The following MIDN variants were observed in gnomAD, a reference collection of about 807,000 sequenced individuals.
MIDN encodes the protein midbrain nucleolar protein.
A neutral mutation model predicts 46.1 loss-of-function variants in MIDN; 26 were observed. The observed-to-expected ratio is 0.56, with a 90% CI of 0.41 to 0.78. The LOEUF (loss-of-function observed/expected upper bound fraction) is 0.78, where lower values mean the gene tolerates loss of function less well. Among genes scored for constraint, MIDN ranks in the 30% least tolerant of loss-of-function variants. MIDN has a pLI of 0.00. For missense variants in MIDN, 850 were observed against 771.8 expected (o/e 1.10, Z -1.20); for synonymous variants, 432 against 343.3 (o/e 1.26, Z -2.86).
chr19:1,249,238 C>A (rs1340573639), intron 1 of MIDN, among the ~76,000 whole-genome samples: 1 of 148,782 alleles, frequency 6.7e-6, no homozygotes, highest in Non-Finnish European at 1.5e-5. Context: ...AGCCACCCGG[C>A]CACGTCACCG....
At position 1,258,709 on chromosome 19, in the gene MIDN, A is replaced by AT. The variant is rs1178328211; in HGVS notation, c.*1444dup. On this transcript the variant is annotated 3_prime_UTR_variant, in exon 9 of 9. Transcript: ENST00000682408. The stretch of plus-strand genomic sequence containing the variant: ...ACGTGTTATAACTGTAGCGCTGTAA[A>AT]TTTTTTTGTGGGAGGGTGGGCAGGG... 6.2e-5 allele frequency: 2 copies of AT among 32,314 alleles called. No homozygotes were observed. Among genetic ancestry groups the AT allele is most frequent in the East Asian group, 7.4e-4 (1 of 1,346 alleles). The allele number at this position is 32,314 out of a possible 1,614,324, so 2.0% of individuals were successfully genotyped here. A position where few individuals can be genotyped will look rare whatever the true frequency, so the allele number is the denominator to read the frequency against.
chr19:1,250,913 C>G (rs1007936835), intron 2 of MIDN, among the ~76,000 whole-genome samples: 2 of 151,770 alleles, frequency 1.3e-5, no homozygotes, highest in Non-Finnish European at 2.9e-5. Flanking sequence ...ACTTGCGTCT[C>G]TCTCCCCCCC....
intron 8 of MIDN, among the ~76,000 whole-genome samples, chr19:1,256,026 C>T (rs2081195089): frequency 6.6e-6 from 1 of 152,242 alleles, no homozygotes; most frequent in Non-Finnish European, 1.5e-5. Context: ...CACCCCTAAG[C>T]ATTTCAGTGA....
chr19:1,251,100 G>A (rs2081121613), intron 2 of MIDN, among the ~76,000 whole-genome samples: 1 of 151,996 alleles, frequency 6.6e-6, no homozygotes, highest in Admixed American at 6.5e-5. Context: ...GCGCGGCGGC[G>A]GCCGCCTGCG....
chr19:1,257,325 G>C lies in MIDN; in HGVS notation c.*53G>C. On this transcript the variant is annotated 3_prime_UTR_variant, in exon 9 of 9. Coordinates refer to ENST00000682408, the MANE Select transcript of MIDN (RefSeq NM_001388306.1). ...TCGCACCCCAGCCCAGGGCGGCGGG[G>C]ACTCCGAGAGCCCCGGAGAGAACGT... is the stretch of plus-strand genomic sequence containing the variant. The C allele has an allele frequency of 6.6e-7, 1 of 1,520,410 alleles. No homozygotes were observed. The highest frequency in any genetic ancestry group is 1.8e-5 in the Admixed American group (1 of 56,480). The allele number at this position is 1,520,410 out of a possible 1,614,324, so 94.2% of individuals were successfully genotyped here. A position where few individuals can be genotyped will look rare whatever the true frequency, so the allele number is the denominator to read the frequency against.
rs571658959 is a variant in MIDN, at chr19:1,251,544, C to T, written c.234-18C>T. 42 of 1,606,738 alleles carry T rather than the reference C, an allele frequency of 2.6e-5. No individual in the cohort carries two copies. In the South Asian group the frequency reaches 4.1e-4, roughly 16 times the overall value. On this transcript the variant is annotated intron_variant, in intron 2 of 8. Transcript: ENST00000682408. ...TGTCGTCTCCGCGGAGTCTCATGCT[C>T]TTCCTTCCTCCCCCCAGCCGGCTCA...
At chr19:1,251,267 C>T in intron 2 of MIDN, 1 of 412,194 alleles carries the variant, frequency 2.4e-6, no homozygotes, top group South Asian at 2.9e-5. Flanking sequence ...TGGCATAGAG[C>T]ACACTGGGGC....
At chr19:1,252,027 G>C (rs2081135933) in intron 4 of MIDN, 126 bp downstream of exon 4, 1 of 767,628 alleles carries the variant, frequency 1.3e-6, no homozygotes, top group East Asian at 2.7e-5. Flanking sequence ...GCGCCACCCC[G>C]CCTGGGTGCC....
chr19:1,251,466 C>T (rs2081126781), intron 2 of MIDN, 96 bp from the exon 3 acceptor site: 1 of 1,114,572 alleles, frequency 9.0e-7, no homozygotes, highest in Non-Finnish European at 1.3e-6. Context: ...ACTTATCCGT[C>T]TCTCCCCACA....
chr19:1,254,116 TG>T (rs1328984217), intron 5 of MIDN, 34 bp downstream of exon 5: 1 of 1,555,220 alleles, frequency 6.4e-7, no homozygotes. Context: ...CGGGCTGGGC[TG>T]GGGGCGCCGC....
intron 4 of MIDN, among the ~76,000 whole-genome samples, chr19:1,252,514 G>A (rs1256723281): frequency 6.6e-6 from 1 of 152,086 alleles, no homozygotes; most frequent in African/African-American, 2.4e-5. Context: ...GCTGGGGCTG[G>A]CCCTCACCCG....
intron 2 of MIDN, among the ~76,000 whole-genome samples, chr19:1,250,798 G>A (rs1344703736): frequency 6.6e-6 from 1 of 151,902 alleles, no homozygotes; most frequent in African/African-American, 2.4e-5. Context: ...CGTTGCGGGG[G>A]TCCCGGCTGC....
intron 8 of MIDN, 47 bp from the exon 9 acceptor site, chr19:1,256,948 C>G: frequency 6.3e-7 from 1 of 1,599,302 alleles, no homozygotes; most frequent in Non-Finnish European, 8.5e-7. Context: ...CCTCTGTGTT[C>G]AGCAGGTGGA....
chr19:1,256,898 G>C, intron 8 of MIDN, 97 bp from the exon 9 acceptor site: 2 of 1,550,594 alleles, frequency 1.3e-6, no homozygotes, highest in East Asian at 2.3e-5. Context: ...GGGCAGGACT[G>C]TGTCTGACCT....
In MIDN at chr19:1,254,026, C is replaced by G. The variant is rs1331324398; in HGVS notation, c.457C>G (p.Arg153Gly). The part of the protein sequence containing the change: ...FRKYRFILFK[R>G]PWHRQGPQSP... Reference sequence around the variant, plus strand: ...GAAATACAGATTCATTTTATTTAAGCGTCCGTGGCACCGACAGGGACCCCA... The same window carrying G: ...GAAATACAGATTCATTTTATTTAAGGGTCCGTGGCACCGACAGGGACCCCA... Residue 153 changes from arginine (R) to glycine (G), a missense_variant, in exon 5 of 9, where the codon CGT becomes GGT. Transcript: ENST00000682408. 3 of 1,426,728 alleles carry G rather than the reference C, an allele frequency of 2.1e-6. No homozygotes were observed. Among genetic ancestry groups the G allele is most frequent in the Non-Finnish European group, 2.7e-6 (3 of 1,098,888 alleles). 88.4% of individuals were successfully genotyped at this position (1,426,728 alleles called of 1,614,324 possible).
At chr19:1,255,140 G>T in intron 7 of MIDN, 79 bp downstream of exon 7, 1 of 1,485,258 alleles carries the variant, frequency 6.7e-7, no homozygotes, top group South Asian at 1.2e-5. Context: ...ACCCACAGGC[G>T]ACTCCACATA....
intron 8 of MIDN, among the ~76,000 whole-genome samples, chr19:1,256,689 T>C (rs1482293919): frequency 6.6e-6 from 1 of 152,074 alleles, no homozygotes; most frequent in East Asian, 1.9e-4. Flanking sequence ...AATTTTGTAA[T>C]TTTTGTAGAG....
chr19:1,257,684 A>C lies in MIDN; in HGVS notation c.*412A>C. On this transcript the variant is annotated 3_prime_UTR_variant, in exon 9 of 9. Transcript: ENST00000682408. ...CTTCCGCCGCCTCCTTTCCCCCCCG[A>C]CCCTATTCAGGTTTTAAGTCAAAAA... 2 of 191,430 alleles carry C rather than the reference A, an allele frequency of 1.0e-5. No individual in the cohort carries two copies. Among genetic ancestry groups the C allele is most frequent in the Non-Finnish European group, 2.1e-5 (2 of 93,404 alleles). The allele number at this position is 191,430 out of a possible 1,614,324, so 11.9% of individuals were successfully genotyped here.
intron 1 of MIDN, among the ~76,000 whole-genome samples, chr19:1,248,954 G>A (rs951639938): frequency 3.9e-5 from 6 of 151,998 alleles, no homozygotes; most frequent in African/African-American, 1.2e-4. Flanking sequence ...CCCGACTACA[G>A]TCTTTCGTTC....
Sources: gnomAD v4.1 joint callset for allele counts (sites outside exome capture counted in the v4.1 genomes callset) on GRCh38, gnomAD v4.1.1 for gene constraint, MANE v1.5 for transcripts, NCBI Gene and HGNC (gene_info 2026-07-23, HGNC 2026-07-21) for gene names.